Variants in AGFG1 observed in about 807,000 individuals in gnomAD.
The protein encoded by AGFG1 is arf-GAP domain and FG repeat-containing protein 1.
AGFG1 carries 10 observed loss-of-function variants against 60.6 expected under a neutral mutation model. The ratio of observed to expected loss-of-function variants is 0.16; its 90% CI spans 0.10 to 0.28. The LOEUF (loss-of-function observed/expected upper bound fraction) is 0.28, where lower values mean the gene tolerates loss of function less well. Ranked by LOEUF, AGFG1 falls within the 10% of genes least tolerant of loss-of-function variation. The probability of loss-of-function intolerance (pLI) is 1.00; values close to 1 mark genes in which losing one functional copy is unlikely to be tolerated. For missense variants in AGFG1, 537 were observed against 676.5 expected, an observed-to-expected ratio of 0.79 and a Z score of 2.29; for synonymous variants, 247 against 242.9, an observed-to-expected ratio of 1.02 and a Z score of -0.16.
intron 1 of AGFG1, among the ~76,000 whole-genome samples, chr2:227,477,379 T>C (rs902653168): frequency 2.6e-5 from 4 of 152,174 alleles, no homozygotes; most frequent in African/African-American, 9.7e-5. Context: ...GTGAGGAAGG[T>C]ACTATTATCC....
intron 5 of AGFG1, among the ~76,000 whole-genome samples, chr2:227,525,938 T>A (rs1415753485): frequency 1.3e-5 from 2 of 152,242 alleles, no homozygotes; most frequent in East Asian, 3.8e-4. Flanking sequence ...GCTGAAATAC[T>A]ATTTAAAAAT....
At chr2:227,519,170 A>G (rs958539777) in intron 2 of AGFG1, among the ~76,000 whole-genome samples, 1 of 152,196 alleles carries the variant, frequency 6.6e-6, no homozygotes, top group Non-Finnish European at 1.5e-5. Flanking sequence ...TTTCTCAAAC[A>G]AACAAAAACC....
chr2:227,531,912 C>T (rs1692172833), intron 6 of AGFG1, among the ~76,000 whole-genome samples: 1 of 152,142 alleles, frequency 6.6e-6, no homozygotes. Context: ...TCACTTCAGT[C>T]AAACTTGGAA....
Position 227,531,112 on chromosome 2 carries a change from A to G in AGFG1, c.716A>G (p.Asp239Gly). 1.9e-6 allele frequency: 3 copies of G among 1,612,990 alleles called. No individual in the cohort carries two copies. Among genetic ancestry groups the G allele is most frequent in the South Asian group, 1.1e-5 (1 of 90,856 alleles). ...ACAGCTCAGAATTCTGCAAATGCAG[A>G]TTTTGCAAACTTTGATGCATTTGGA... ...SHAAQNSANA[D>G]FANFDAFGQS... Residue 239 changes from aspartate (D) to glycine (G), a missense_variant, in exon 6 of 13, where the codon GAT becomes GGT. Coordinates refer to ENST00000310078, the MANE Select transcript of AGFG1 (RefSeq NM_004504.5).
rs746781927 is a variant in AGFG1 at position 227,535,009 on chromosome 2, A to G, written c.1189A>G (p.Thr397Ala). The G allele has an allele frequency of 6.2e-6, 10 of 1,611,710 alleles. No individual in the cohort carries two copies. The African/African-American group carries it at 1.2e-4, about 19-fold the overall frequency. The change falls in exon 8 of 13, where the codon ACA becomes GCA. Residue 397 changes from threonine to alanine, a missense_variant. Around this residue, in one of 4 missense-constraint regions of AGFG1, gnomAD observed 287 missense variants for 343.6 expected, o/e 0.84. Transcript: ENST00000310078. Reference sequence around the variant, plus strand: ...CACCTCCAGTAATGCGTATACTTCCACAAGTAATGCTAGCAGGTACCTTGT... The same window carrying G: ...CACCTCCAGTAATGCGTATACTTCCGCAAGTAATGCTAGCAGGTACCTTGT... ...AATSSNAYTS[T>A]SNASSNVFGT... is the part of the protein sequence containing the mutation.
chr2:227,539,482 A>G (rs1182899911), intron 10 of AGFG1, among the ~76,000 whole-genome samples: 2 of 149,978 alleles, frequency 1.3e-5, no homozygotes, highest in Non-Finnish European at 3.0e-5. Context: ...GTGAAATTAT[A>G]TTTTGAGGTA....
rs1173429391 is a variant in AGFG1 at position 227,490,759 on chromosome 2, A to G, written c.168-788A>G. Among the ~76,000 whole-genome samples the G allele has an allele frequency of 3.3e-5, 5 of 152,330 alleles. No homozygotes were observed. In the South Asian group the frequency reaches 8.3e-4, roughly 25 times the overall value. On this transcript the variant is annotated intron_variant, in intron 1 of 12. Coordinates refer to ENST00000310078, the MANE Select transcript of AGFG1 (RefSeq NM_004504.5). ...GACCTGCCCACAAGATAGTTGGACAACATGTAAATAGTTATTAAATCTGTT... is the reference window on the plus strand; with the variant it reads ...GACCTGCCCACAAGATAGTTGGACAGCATGTAAATAGTTATTAAATCTGTT...
chr2:227,504,215 G>T (rs1691245410), intron 2 of AGFG1, among the ~76,000 whole-genome samples: 1 of 150,542 alleles, frequency 6.6e-6, no homozygotes, highest in Admixed American at 6.6e-5. Flanking sequence ...TTGAGATAGG[G>T]TCTCAACTTC....
chr2:227,537,072 A>T, intron 10 of AGFG1, 79 bp downstream of exon 10: 1 of 1,208,232 alleles, frequency 8.3e-7, no homozygotes, highest in South Asian at 1.3e-5. Context: ...GAACACCAGA[A>T]AATGGGGCCT....
At position 227,504,412 on chromosome 2, in the gene AGFG1, C is replaced by CT. The variant is rs143506131; in HGVS notation, c.261+12773dup. On this transcript the variant is annotated intron_variant, in intron 2 of 12. Transcript: ENST00000310078. ...TTCACTATGTTGCCCAGGCTGGTCTCTAACTTTTGGGCCCAAATGATCCGC... is the reference window on the plus strand; with the variant it reads ...TTCACTATGTTGCCCAGGCTGGTCTCTTAACTTTTGGGCCCAAATGATCCGC... Among the ~76,000 whole-genome samples the CT allele has an allele frequency of 1.5e-3, 223 of 152,208 alleles. 2 individuals carry two copies. The highest frequency in any genetic ancestry group is 4.5e-3 in the African/African-American group (188 of 41,552).
At chr2:227,490,126 G>C (rs1048247628) in intron 1 of AGFG1, among the ~76,000 whole-genome samples, 1 of 151,660 alleles carries the variant, frequency 6.6e-6, no homozygotes, top group Non-Finnish European at 1.5e-5. Context: ...CAAAAATACC[G>C]TGAATTTCTA....
In AGFG1 at chr2:227,501,221, C is replaced by T. The variant is rs1691145125; in HGVS notation, c.261+9581C>T. ...TCAGCCTCCAGAGTAGCTGGGGCTA[C>T]AGGCACCCACCACCTTGCTGGGCTA... is the stretch of plus-strand genomic sequence containing the variant. On this transcript the variant is annotated intron_variant, in intron 2 of 12. Coordinates refer to ENST00000310078, the MANE Select transcript of AGFG1 (RefSeq NM_004504.5). Among the ~76,000 whole-genome samples the T allele has an allele frequency of 3.3e-5, 5 of 152,136 alleles. No individual in the cohort carries two copies. In the South Asian group the frequency reaches 1.0e-3, roughly 32 times the overall value.
At position 227,526,826 on chromosome 2, in the gene AGFG1, G is replaced by A. The variant is rs1692010355; in HGVS notation, c.694+1911G>A. ...CCCAAAGTACTGGGATTACAGGTGT[G>A]AGCCACTCTGCCCGGCCCTAAAGAT... On this transcript the variant is annotated intron_variant, in intron 5 of 12. Coordinates refer to ENST00000310078, the MANE Select transcript of AGFG1 (RefSeq NM_004504.5). Among the ~76,000 whole-genome samples the A allele has an allele frequency of 3.9e-5, 6 of 152,252 alleles. No individual in the cohort carries two copies. The South Asian group carries it at 1.2e-3, about 32-fold the overall frequency.
At chr2:227,502,413 T>A (rs1691187119) in intron 2 of AGFG1, among the ~76,000 whole-genome samples, 1 of 152,126 alleles carries the variant, frequency 6.6e-6, no homozygotes, top group South Asian at 2.1e-4. Flanking sequence ...CTCCGCCTTC[T>A]GGGTTCAGTT....
chr2:227,474,303 T>A (rs1690218282), intron 1 of AGFG1, among the ~76,000 whole-genome samples: 1 of 152,256 alleles, frequency 6.6e-6, no homozygotes, highest in Non-Finnish European at 1.5e-5. Flanking sequence ...ACACAGGTCC[T>A]TTAATCCATG....
At chr2:227,534,363 A>AGAAC (rs1692247232) in intron 7 of AGFG1, among the ~76,000 whole-genome samples, 1 of 152,166 alleles carries the variant, frequency 6.6e-6, no homozygotes, top group African/African-American at 2.4e-5. Context: ...TCTAAGTATT[A>AGAAC]TTGCATGTTA....
At chr2:227,487,104 C>A (rs886295216) in intron 1 of AGFG1, among the ~76,000 whole-genome samples, 3 of 152,126 alleles carry the variant, frequency 2.0e-5, no homozygotes, top group African/African-American at 7.2e-5. Context: ...GGAAAGAAAG[C>A]CTTAGAATGG....
At chr2:227,491,471 A>G (rs1690815038) in intron 1 of AGFG1, 76 bp from the exon 2 acceptor site, 3 of 751,208 alleles carry the variant, frequency 4.0e-6, no homozygotes, top group Non-Finnish European at 6.1e-6. Flanking sequence ...GGTTAGAAAT[A>G]TTTTGAATTA....
At chr2:227,480,130 A>G (rs1180702867) in intron 1 of AGFG1, among the ~76,000 whole-genome samples, 1 of 152,236 alleles carries the variant, frequency 6.6e-6, no homozygotes, top group South Asian at 2.1e-4. Context: ...GTTTGAAACT[A>G]TGTATTAGAG....
Sources: gnomAD v4.1 joint callset for allele counts (sites outside exome capture counted in the v4.1 genomes callset) on GRCh38, gnomAD v4.1.1 for gene constraint, gnomAD v4.1.1 regional missense constraint, MANE v1.5 for transcripts, NCBI Gene and HGNC (gene_info 2026-07-23, HGNC 2026-07-21) for gene names.